Variants in ZC3H14 observed in about 807,000 individuals in gnomAD.
ZC3H14 encodes zinc finger CCCH-type containing 14.
Under a neutral mutation model 92.4 loss-of-function variants are expected in ZC3H14, and 31 were observed. That is an observed-to-expected ratio of 0.34 (90% CI 0.25 to 0.45). The LOEUF (loss-of-function observed/expected upper bound fraction) is 0.45, where lower values mean the gene tolerates loss of function less well. Among genes scored for constraint, ZC3H14 ranks in the 20% least tolerant of loss-of-function variants. The pLI, the probability that ZC3H14 is intolerant of heterozygous loss-of-function variation, is 1.00. For missense variants in ZC3H14, 781 were observed against 897.3 expected, an observed-to-expected ratio of 0.87 and a Z score of 1.66; for synonymous variants, 321 against 300.9, an observed-to-expected ratio of 1.07 and a Z score of -0.69.
Position 88,572,695 on chromosome 14 carries a change from C to T in ZC3H14, c.549C>T (p.Asp183=), listed in dbSNP as rs972195543. The T allele has an allele frequency of 8.7e-6, 14 of 1,614,056 alleles. No homozygotes were observed. The highest frequency in any genetic ancestry group is 5.3e-5 in the African/African-American group (4 of 74,918). The change falls in exon 6 of 17, where the codon GAC becomes GAT. Residue 183 remains aspartate (D), a synonymous_variant. Coordinates refer to ENST00000251038, the MANE Select transcript of ZC3H14 (RefSeq NM_024824.5). The stretch of plus-strand genomic sequence containing the variant: ...AGCCAGAACCAGATGATCTCATTGA[C>T]GAAGACCTCAACTTTGTGCAGGAGA... ...DIKPEPDDLI[D]EDLNFVQENP...
chr14:88,583,627 C>A (rs1377402243), intron 9 of ZC3H14, among the ~76,000 whole-genome samples: 1 of 151,976 alleles, frequency 6.6e-6, no homozygotes, highest in Admixed American at 6.6e-5. Flanking sequence ...GTGTTTTTGT[C>A]TTTTAATCCT....
chr14:88,580,337 G>A (rs1351374979), intron 9 of ZC3H14, among the ~76,000 whole-genome samples: 1 of 152,110 alleles, frequency 6.6e-6, no homozygotes, highest in Admixed American at 6.6e-5. Flanking sequence ...GAAAGAACTC[G>A]AAAGAATTAG....
chr14:88,576,062 A>T (rs2081118034), intron 8 of ZC3H14, 122 bp downstream of exon 8: 1 of 840,632 alleles, frequency 1.2e-6, no homozygotes, highest in East Asian at 2.7e-5. Flanking sequence ...GACCAAGATG[A>T]GGTTCCCATA....
chr14:88,587,671 GT>G (rs2082621645), intron 9 of ZC3H14, among the ~76,000 whole-genome samples: 1 of 152,178 alleles, frequency 6.6e-6, no homozygotes, highest in African/African-American at 2.4e-5. Context: ...TCTGGGCATG[GT>G]TGGTGGCTCA....
chr14:88,583,615 A>G (rs8008793), intron 9 of ZC3H14, among the ~76,000 whole-genome samples: 143,410 of 152,236 alleles, frequency 0.94, 67,965 homozygotes, highest in Non-Finnish European at 1. Context: ...TGGAAGTGGT[A>G]TGTGTTTTTG....
Position 88,618,379 on chromosome 14 carries a change from C to T in ZC3H14, c.*6628C>T. 1 of 1,509,940 alleles carries T rather than the reference C, an allele frequency of 6.6e-7. No homozygotes were observed. The highest frequency in any genetic ancestry group is 2.3e-5 in the East Asian group (1 of 44,304). 93.5% of individuals were successfully genotyped at this position (1,509,940 alleles called of 1,614,324 possible). On this transcript the variant is annotated 3_prime_UTR_variant, in exon 17 of 17. Coordinates refer to ENST00000251038, the MANE Select transcript of ZC3H14 (RefSeq NM_024824.5). ...GACAAGAATTCCATTAGGTGAGAGA[C>T]AAAATCCACAGGGGGTTTACAGAAT...
chr14:88,592,151 C>T (rs12587589), intron 9 of ZC3H14: 35,546 of 151,294 alleles, frequency 0.23, 4,645 homozygotes, highest in East Asian at 0.52. Flanking sequence ...CTCTGTGACC[C>T]GTTCTGTTAG....
intron 1 of ZC3H14, 173 bp downstream of exon 1, chr14:88,563,342 G>A: frequency 6.8e-7 from 1 of 1,474,066 alleles, no homozygotes; most frequent in South Asian, 1.4e-5. Context: ...GGACATTTGC[G>A]GCCTCGGAGC....
Position 88,622,677 on chromosome 14 carries a change from A to G in ZC3H14, c.*10926A>G, listed in dbSNP as rs754081231. The G allele has an allele frequency of 5.6e-6, 9 of 1,610,526 alleles. No individual in the cohort carries two copies. Among genetic ancestry groups the G allele is most frequent in the Non-Finnish European group, 7.6e-6 (9 of 1,178,290 alleles). ...AAGCCTGAAGGCACGGCACCGCCTC[A>G]GTTCCTGATCCCACAGTTTAACCGC... is the stretch of plus-strand genomic sequence containing the variant. On this transcript the variant is annotated 3_prime_UTR_variant, in exon 17 of 17. Coordinates refer to ENST00000251038, the MANE Select transcript of ZC3H14 (RefSeq NM_024824.5).
intron 9 of ZC3H14, chr14:88,594,876 C>A: frequency 6.2e-7 from 1 of 1,613,884 alleles, no homozygotes; most frequent in South Asian, 1.1e-5. Context: ...CAGCTGATAT[C>A]AATGAAATTA....
chr14:88,594,852 T>A, intron 9 of ZC3H14: 6 of 1,614,068 alleles, frequency 3.7e-6, no homozygotes, highest in Non-Finnish European at 5.1e-6. Flanking sequence ...TTTCCCACCT[T>A]TTAAGGAAAA....
In ZC3H14 at chr14:88,625,382, C is replaced by A; in HGVS notation, c.*13631C>A. On this transcript the variant is annotated 3_prime_UTR_variant, in exon 17 of 17. Coordinates refer to ENST00000251038, the MANE Select transcript of ZC3H14 (RefSeq NM_024824.5). Reference sequence around the variant, plus strand: ...GACAATTCTTCCCTTCCAATTCTAACATACTATAATTCTAGGGTTTATTTT... The same window carrying A: ...GACAATTCTTCCCTTCCAATTCTAAAATACTATAATTCTAGGGTTTATTTT... The A allele has an allele frequency of 2.5e-6, 1 of 404,606 alleles. No homozygotes were observed. The highest frequency in any genetic ancestry group is 2.1e-5 in the African/African-American group (1 of 48,386). The allele number at this position is 404,606 out of a possible 1,614,324, so 25.1% of individuals were successfully genotyped here. A position where few individuals can be genotyped will look rare whatever the true frequency, so the allele number is the denominator to read the frequency against.
In ZC3H14 at chr14:88,578,088, T is replaced by TC. The variant is rs1414485608; in HGVS notation, c.1233dup (p.Ile412HisfsTer2). Reference sequence around the variant, plus strand: ...GACAAAGTAGGACCCCCAGAATAAGTCCCCCCATTAAAGAAGAGGAAACAA... The same window carrying TC: ...GACAAAGTAGGACCCCCAGAATAAGTCCCCCCCATTAAAGAAGAGGAAACAA... On this transcript the variant is annotated frameshift_variant, in exon 9 of 17. Transcript: ENST00000251038. LOFTEE classifies it high-confidence loss of function. 2 of 1,612,692 alleles carry TC rather than the reference T, an allele frequency of 1.2e-6. No homozygotes were observed. Among genetic ancestry groups the TC allele is most frequent in the Non-Finnish European group, 1.7e-6 (2 of 1,179,758 alleles).
chr14:88,623,965 C>G lies in ZC3H14; in HGVS notation c.*12214C>G, dbSNP rs1336884839. On this transcript the variant is annotated 3_prime_UTR_variant, in exon 17 of 17. Coordinates refer to ENST00000251038, the MANE Select transcript of ZC3H14 (RefSeq NM_024824.5). ...GAAAGCATGCCTATGTGCATTCTTC[C>G]TTTATGTAAAAGGCACAAATTCTGC... The G allele has an allele frequency of 6.6e-6, 1 of 152,202 alleles. No homozygotes were observed. 9.4% of individuals were successfully genotyped at this position (152,202 alleles called of 1,614,324 possible). A position where few individuals can be genotyped will look rare whatever the true frequency, so the allele number is the denominator to read the frequency against.
At chr14:88,593,030 A>G (rs1037105951) in intron 9 of ZC3H14, among the ~76,000 whole-genome samples, 1 of 146,776 alleles carries the variant, frequency 6.8e-6, no homozygotes, top group African/African-American at 2.5e-5. Context: ...GTGCAGTGGC[A>G]CGATCTCTGC....
rs140816482 is a variant in ZC3H14 at position 88,622,256 on chromosome 14, C to T, written c.*10505C>T. On this transcript the variant is annotated 3_prime_UTR_variant, in exon 17 of 17. Transcript: ENST00000251038. ...AGTATTTCATTGTTTGTTTACTGCA[C>T]GTTTTATCTAGGGAATGTGTGTTTT... 140 of 186,364 alleles carry T rather than the reference C, an allele frequency of 7.5e-4. 1 individual carries two copies. In the East Asian group the frequency reaches 0.017, roughly 22 times the overall value. The allele number at this position is 186,364 out of a possible 1,614,324, so 11.5% of individuals were successfully genotyped here.
intron 10 of ZC3H14, among the ~76,000 whole-genome samples, chr14:88,601,208 G>T (rs1369409731): frequency 6.6e-6 from 1 of 152,078 alleles, no homozygotes; most frequent in African/African-American, 2.4e-5. Context: ...CTCAGTGAAT[G>T]AACATAAATG....
At position 88,602,893 on chromosome 14, in the gene ZC3H14, G is replaced by T; in HGVS notation, c.1580G>T (p.Ser527Ile). 2 of 1,614,052 alleles carry T rather than the reference G, an allele frequency of 1.2e-6. No homozygotes were observed. Among genetic ancestry groups the T allele is most frequent in the Non-Finnish European group, 1.7e-6 (2 of 1,180,004 alleles). The change falls in exon 12 of 17, where the codon AGC becomes ATC. Residue 527 changes from serine to isoleucine, a missense_variant. Physicochemically the swap from Ser to Ile is moderately radical, Grantham distance 142. Transcript: ENST00000251038. ...ATAGTGACGCTGGATGGTGTCCCCA[G>T]CCCCCCAGGATACATGTCAGATCAA... ...KFIVTLDGVP[S>I]PPGYMSDQEE...
chr14:88,582,895 A>AT (rs967263374), intron 9 of ZC3H14, among the ~76,000 whole-genome samples: 2 of 151,614 alleles, frequency 1.3e-5, no homozygotes, highest in African/African-American at 4.8e-5. Context: ...TAAGTTGTTA[A>AT]TTTTTTTTCT....
Sources: gnomAD v4.1 joint callset for allele counts (sites outside exome capture counted in the v4.1 genomes callset) on GRCh38, gnomAD v4.1.1 for gene constraint, MANE v1.5 for transcripts, NCBI Gene and HGNC (gene_info 2026-07-23, HGNC 2026-07-21) for gene names.